KLHL31: variants seen among roughly 807,000 people sequenced by gnomAD.
KLHL31 encodes the protein kelch like family member 31, also known as kelch-like protein 31.
In KLHL31, 32 loss-of-function variants were observed where a neutral mutation model predicts 47.1. The ratio of observed to expected loss-of-function variants is 0.68; its 90% CI spans 0.51 to 0.91. KLHL31 has a LOEUF of 0.91. Ranked by LOEUF, KLHL31 falls within the 40% of genes least tolerant of loss-of-function variation. KLHL31 has a pLI of 0.00. For synonymous variants in KLHL31, 330 were observed against 325.1 expected (o/e 1.01, Z -0.16); for missense variants, 797 against 819.3 (o/e 0.97, Z 0.33).
chr6:53,656,485 T>C (rs1488072555), intron 1 of KLHL31, among the ~76,000 whole-genome samples: 1 of 152,150 alleles, frequency 6.6e-6, no homozygotes, highest in Non-Finnish European at 1.5e-5. Context: ...TAGAAACCCA[T>C]ATATGTATAT....
At chr6:53,653,389 G>C (rs1764504735) in intron 2 of KLHL31, among the ~76,000 whole-genome samples, 1 of 152,148 alleles carries the variant, frequency 6.6e-6, no homozygotes, top group East Asian at 1.9e-4. Flanking sequence ...CATTAGTTAT[G>C]TTTGACTTTG....
chr6:53,662,859 A>G (rs914448689), intron 1 of KLHL31, among the ~76,000 whole-genome samples: 1 of 152,170 alleles, frequency 6.6e-6, no homozygotes, highest in African/African-American at 2.4e-5. Flanking sequence ...ATACATCACC[A>G]AGCAGGAAAC....
Position 53,652,115 on chromosome 6 carries a change from A to G in KLHL31, c.1388T>C (p.Val463Ala). 4.4e-6 allele frequency: 7 copies of G among 1,601,100 alleles called. No homozygotes were observed. Among genetic ancestry groups the G allele is most frequent in the Non-Finnish European group, 5.9e-6 (7 of 1,178,116 alleles). The change falls in exon 3 of 3, where the codon GTC becomes GCC. Residue 463 changes from valine to alanine, a missense_variant. Physicochemically the swap from Val to Ala is moderately conservative, Grantham distance 64. Transcript: ENST00000370905. Reference sequence around the variant, plus strand: ...GGTCACCAGCACGCGGCCGTCGGCGACCGCGCTAGCGTGGCAGCAGCGCGC... The same window carrying G: ...GGTCACCAGCACGCGGCCGTCGGCGGCCGCGCTAGCGTGGCAGCAGCGCGC... ...EVARCCHASA[V>A]ADGRVLVTGG...
intron 1 of KLHL31, among the ~76,000 whole-genome samples, chr6:53,655,527 A>G (rs1249340030): frequency 6.6e-6 from 1 of 152,188 alleles, no homozygotes; most frequent in Admixed American, 6.5e-5. Flanking sequence ...ATGTTATCAA[A>G]TGAAATCTCT....
In KLHL31 at chr6:53,651,828, C is replaced by T. The variant is rs766016904; in HGVS notation, c.1675G>A (p.Gly559Ser). ...APLQVGVSTA[G>S]VSALHGRAYL... is the part of the protein sequence containing the mutation. ...GCGCGGCCATGCAGCGCCGAGACGC[C>T]CGCAGTGCTCACTCCCACCTGCAGC... Residue 559 changes from glycine (G) to serine (S), a missense_variant, in exon 3 of 3, where the codon GGC becomes AGC. By Grantham distance (56) the Gly-to-Ser change is moderately conservative. Coordinates refer to ENST00000370905, the MANE Select transcript of KLHL31 (RefSeq NM_001003760.5). 1.9e-6 allele frequency: 3 copies of T among 1,610,416 alleles called. No individual in the cohort carries two copies. The South Asian group carries it at 3.3e-5, about 18-fold the overall frequency.
Position 53,651,565 on chromosome 6 carries a change from G to C in KLHL31, c.*33C>G. ...CCACGTGGCTCTACGAATAAATAAC[G>C]TGTTCTTCCTGCGTCCCTGCATCTA... On this transcript the variant is annotated 3_prime_UTR_variant, in exon 3 of 3. Coordinates refer to ENST00000370905, the MANE Select transcript of KLHL31 (RefSeq NM_001003760.5). 6.3e-7 allele frequency: 1 copy of C among 1,582,812 alleles called. No homozygotes were observed.
chr6:53,648,486 G>A lies in KLHL31; in HGVS notation c.*3112C>T, dbSNP rs555983606. 3 of 152,208 alleles carry A rather than the reference G, an allele frequency of 2.0e-5. No individual in the cohort carries two copies. Among genetic ancestry groups the A allele is most frequent in the Admixed American group, 2.0e-4 (3 of 15,288 alleles). The allele number at this position is 152,208 out of a possible 1,614,324, so 9.4% of individuals were successfully genotyped here. On this transcript the variant is annotated 3_prime_UTR_variant, in exon 3 of 3. Coordinates refer to ENST00000370905, the MANE Select transcript of KLHL31 (RefSeq NM_001003760.5). ...AATTAAAAAATTGACCTTTTAGAAC[G>A]TACATATTTCCAGGTAAACCTCTAT...
rs1173738884 is a variant in KLHL31 at position 53,649,993 on chromosome 6, A to G, written c.*1605T>C. 6.6e-6 allele frequency: 1 copy of G among 152,202 alleles called. No homozygotes were observed. Among genetic ancestry groups the G allele is most frequent in the Non-Finnish European group, 1.5e-5 (1 of 68,016 alleles). The allele number at this position is 152,202 out of a possible 1,614,324, so 9.4% of individuals were successfully genotyped here. A position where few individuals can be genotyped will look rare whatever the true frequency, so the allele number is the denominator to read the frequency against. Reference sequence around the variant, plus strand: ...ACTTTTCATCGGGGTAATGATATAAAATTGTTCCACAAAGTGTACTATATG... The same window carrying G: ...ACTTTTCATCGGGGTAATGATATAAGATTGTTCCACAAAGTGTACTATATG... On this transcript the variant is annotated 3_prime_UTR_variant, in exon 3 of 3. Transcript: ENST00000370905.
Position 53,652,243 on chromosome 6 carries a change from G to A in KLHL31, c.1260C>T (p.Leu420=). The A allele has an allele frequency of 6.2e-7, 1 of 1,614,026 alleles. No individual in the cohort carries two copies. Among genetic ancestry groups the A allele is most frequent in the Non-Finnish European group, 8.5e-7 (1 of 1,180,042 alleles). Residue 420 remains leucine (L), a synonymous_variant, in exon 3 of 3, where the codon CTC becomes CTT. Coordinates refer to ENST00000370905, the MANE Select transcript of KLHL31 (RefSeq NM_001003760.5). ...THFSLSVFNG[L]VYAAGGRNAE... is the part of the protein sequence containing the mutation. ...CGTTGCGGCCGCCCGCGGCGTACAC[G>A]AGCCCGTTGAACACGCTCAGGCTGA...
At position 53,655,314 on chromosome 6, in the gene KLHL31, AG is replaced by A. The variant is rs138562489; in HGVS notation, c.-33-10del. On this transcript the variant is annotated splice_polypyrimidine_tract_variant and intron_variant, in intron 1 of 2. Coordinates refer to ENST00000370905, the MANE Select transcript of KLHL31 (RefSeq NM_001003760.5). ...TTACAGGCAAGAGCTTGCTAAAAAG[AG>A]AAAAAAAAAAACATGGTTTTGTTTT... The A allele has an allele frequency of 1.2e-3, 1,559 of 1,298,622 alleles. 1 individual carries two copies. The highest frequency in any genetic ancestry group is 1.4e-3 in the Non-Finnish European group (1,382 of 962,182). The allele number at this position is 1,298,622 out of a possible 1,614,324, so 80.4% of individuals were successfully genotyped here.
In KLHL31 at chr6:53,655,326, A is replaced by AG. The variant is rs112169209; in HGVS notation, c.-33-22_-33-21insC. The AG allele has an allele frequency of 5.8e-3, 6,889 of 1,191,928 alleles. 1 individual carries two copies. Among genetic ancestry groups the AG allele is most frequent in the Middle Eastern group, 8.8e-3 (38 of 4,308 alleles). The allele number at this position is 1,191,928 out of a possible 1,614,324, so 73.8% of individuals were successfully genotyped here. ...GCTTGCTAAAAAGAGAAAAAAAAAA[A>AG]CATGGTTTTGTTTTAATTGTGCTTT... On this transcript the variant is annotated intron_variant, in intron 1 of 2. Transcript: ENST00000370905.
Position 53,651,554 on chromosome 6 carries a change from G to T in KLHL31, c.*44C>A. On this transcript the variant is annotated 3_prime_UTR_variant, in exon 3 of 3. Transcript: ENST00000370905. ...TCAGAGGTTAACCACGTGGCTCTAC[G>T]AATAAATAACGTGTTCTTCCTGCGT... 1.3e-6 allele frequency: 2 copies of T among 1,571,686 alleles called. No individual in the cohort carries two copies. Among genetic ancestry groups the T allele is most frequent in the South Asian group, 1.2e-5 (1 of 85,552 alleles).
At position 53,652,249 on chromosome 6, in the gene KLHL31, G is replaced by A. The variant is rs1384142666; in HGVS notation, c.1254C>T (p.Asn418=). ...GGCCGCCCGCGGCGTACACGAGCCC[G>A]TTGAACACGCTCAGGCTGAAGTGCG... ...KRTHFSLSVF[N]GLVYAAGGRN... is the part of the protein sequence containing the mutation. Residue 418 remains asparagine, a synonymous_variant, in exon 3 of 3, where the codon AAC becomes AAT. Transcript: ENST00000370905. 2 of 1,614,076 alleles carry A rather than the reference G, an allele frequency of 1.2e-6. No homozygotes were observed. Among genetic ancestry groups the A allele is most frequent in the Non-Finnish European group, 1.7e-6 (2 of 1,180,050 alleles).
chr6:53,662,493 T>C (rs1361652238), intron 1 of KLHL31, among the ~76,000 whole-genome samples: 1 of 152,142 alleles, frequency 6.6e-6, no homozygotes, highest in Non-Finnish European at 1.5e-5. Flanking sequence ...ATGCAGAGGG[T>C]TGTAGAAGGG....
intron 2 of KLHL31, among the ~76,000 whole-genome samples, chr6:53,652,842 C>T (rs1417312123): frequency 6.6e-6 from 1 of 152,180 alleles, no homozygotes; most frequent in Non-Finnish European, 1.5e-5. Context: ...TTCTCCATTT[C>T]TCACAAACCC....
chr6:53,658,584 A>G (rs1316534534), intron 1 of KLHL31, among the ~76,000 whole-genome samples: 3 of 152,064 alleles, frequency 2.0e-5, no homozygotes, highest in Non-Finnish European at 4.4e-5. Context: ...AGAGGGTGGA[A>G]GGGTGGGAGG....
In KLHL31 at chr6:53,649,377, T is replaced by C. The variant is rs933764590; in HGVS notation, c.*2221A>G. 1 of 152,146 alleles carries C rather than the reference T, an allele frequency of 6.6e-6. No homozygotes were observed. Among genetic ancestry groups the C allele is most frequent in the Non-Finnish European group, 1.5e-5 (1 of 67,988 alleles). 9.4% of individuals were successfully genotyped at this position (152,146 alleles called of 1,614,324 possible). A position where few individuals can be genotyped will look rare whatever the true frequency, so the allele number is the denominator to read the frequency against. On this transcript the variant is annotated 3_prime_UTR_variant, in exon 3 of 3. Coordinates refer to ENST00000370905, the MANE Select transcript of KLHL31 (RefSeq NM_001003760.5). ...CACCCAAGAGTCTGGTAAGCTCAAA[T>C]ATGTGGATTTTCTGAGTCTTCAGAT...
At chr6:53,660,688 C>T (rs1299099208) in intron 1 of KLHL31, among the ~76,000 whole-genome samples, 1 of 152,174 alleles carries the variant, frequency 6.6e-6, no homozygotes, top group Non-Finnish European at 1.5e-5. Context: ...GTGGCATGCA[C>T]CTGTAATCCC....
rs753924117 is a variant in KLHL31, at chr6:53,655,046, A to T, written c.227T>A (p.Val76Asp). The change falls in exon 2 of 3, where the codon GTC (valine) becomes GAC (aspartate). Residue 76 changes from valine (V) to aspartate (D), a missense_variant. Val to Asp is a radical substitution (Grantham distance 152, BLOSUM62 -3). Transcript: ENST00000370905. ...MRQENFLCDL[V>D]IGTKTKSFDV... The stretch of plus-strand genomic sequence containing the variant: ...AAAGGATTTGGTTTTGGTACCAATG[A>T]CTAAGTCACATAGGAAGTTCTCCTG... The T allele has an allele frequency of 6.2e-7, 1 of 1,614,158 alleles. No homozygotes were observed. The highest frequency in any genetic ancestry group is 8.5e-7 in the Non-Finnish European group (1 of 1,180,018).
Sources: gnomAD v4.1 joint callset for allele counts (sites outside exome capture counted in the v4.1 genomes callset) on GRCh38, gnomAD v4.1.1 for gene constraint, MANE v1.5 for transcripts, NCBI Gene and HGNC (gene_info 2026-07-23, HGNC 2026-07-21) for gene names.